Variants in DRC11 observed in about 807,000 individuals in gnomAD.
DRC11 encodes IQ and AAA domain-containing protein 1.
the DRC11 span, chr2:236,419,406 C>T: frequency 1.5e-6 from 2 of 1,356,684 alleles, no homozygotes; most frequent in East Asian, 2.7e-5. The surrounding 1 kb of genome is among the most constrained non-coding windows in gnomAD (Gnocchi z 4.8). Flanking sequence ...GCAGGCCGAC[C>T]CCTTCTGGGG....
chr2:236,392,654 T>C, the DRC11 span, among the ~76,000 whole-genome samples: 473 of 152,332 alleles, frequency 3.1e-3, 3 homozygotes, highest in African/African-American at 0.01. The surrounding 1 kb of genome is among the most constrained non-coding windows in gnomAD (Gnocchi z 5.1). Flanking sequence ...ATTATAATCA[T>C]GTAAAAACAA....
At chr2:236,371,736 A>T in the DRC11 span, among the ~76,000 whole-genome samples, 1 of 152,146 alleles carries the variant, frequency 6.6e-6, no homozygotes, top group Admixed American at 6.5e-5. The surrounding 1 kb of genome is among the most constrained non-coding windows in gnomAD (Gnocchi z 5.1). Context: ...TCAGGGGGAA[A>T]ACTGCTGAGT....
chr2:236,324,988 T>G, the DRC11 span, among the ~76,000 whole-genome samples: 2 of 152,234 alleles, frequency 1.3e-5, no homozygotes, highest in South Asian at 4.1e-4. This position sits in a 1 kb window ranked among gnomAD's most constrained non-coding sequence, Gnocchi z 5.7. Context: ...CCTGTATTTC[T>G]GCATGATTTG....
the DRC11 span, among the ~76,000 whole-genome samples, chr2:236,366,710 A>G: frequency 6.6e-6 from 1 of 150,800 alleles, no homozygotes; most frequent in Middle Eastern, 3.4e-3. Flanking sequence ...CACCAACCTC[A>G]TTAGGGAGGC....
chr2:236,352,163 T>C, the DRC11 span, among the ~76,000 whole-genome samples: 1 of 151,936 alleles, frequency 6.6e-6, no homozygotes, highest in Non-Finnish European at 1.5e-5. The surrounding 1 kb of genome is among the most constrained non-coding windows in gnomAD (Gnocchi z 7.0). Flanking sequence ...TCTGGAGCGA[T>C]AGCTAGCCTC....
the DRC11 span, among the ~76,000 whole-genome samples, chr2:236,335,514 G>A: frequency 5.3e-5 from 8 of 152,170 alleles, no homozygotes; most frequent in South Asian, 1.2e-3. The surrounding 1 kb of genome is among the most constrained non-coding windows in gnomAD (Gnocchi z 5.6). Flanking sequence ...CTCCCATCAC[G>A]ATGCTGTGAG....
chr2:236,356,965 TA>T, the DRC11 span, among the ~76,000 whole-genome samples: 33 of 110,896 alleles, frequency 3.0e-4, 2 homozygotes, highest in East Asian at 2.4e-3. Flanking sequence ...CATAAATATA[TA>T]TATTATATAT....
At chr2:236,344,771 G>C in the DRC11 span, 1 of 665,070 alleles carries the variant, frequency 1.5e-6, no homozygotes, top group Non-Finnish European at 2.6e-6. Context: ...TCCCTCTGGG[G>C]TGTGCAGAGC....
chr2:236,381,442 G>C, the DRC11 span, among the ~76,000 whole-genome samples: 2 of 151,572 alleles, frequency 1.3e-5, no homozygotes, highest in African/African-American at 2.4e-5. The surrounding 1 kb of genome is among the most constrained non-coding windows in gnomAD (Gnocchi z 5.8). Context: ...TGTTATAGCA[G>C]TCCAAACAGA....
chr2:236,342,416 C>T, the DRC11 span, among the ~76,000 whole-genome samples: 1 of 152,162 alleles, frequency 6.6e-6, no homozygotes, highest in Non-Finnish European at 1.5e-5. The surrounding 1 kb of genome is among the most constrained non-coding windows in gnomAD (Gnocchi z 5.8). Context: ...TTTTGGTCAC[C>T]TTCAGAATGT....
At chr2:236,444,694 A>G in the DRC11 span, among the ~76,000 whole-genome samples, 1 of 152,180 alleles carries the variant, frequency 6.6e-6, no homozygotes, top group African/African-American at 2.4e-5. Flanking sequence ...TCTGGGGCCA[A>G]ACAGAACCTG....
the DRC11 span, chr2:236,488,227 C>T: frequency 2.1e-6 from 3 of 1,435,728 alleles, no homozygotes; most frequent in South Asian, 2.8e-5. Context: ...AATGTTTGAA[C>T]ATGTTAACCA....
the DRC11 span, chr2:236,497,379 T>C: frequency 3.7e-5 from 60 of 1,613,836 alleles, no homozygotes; most frequent in East Asian, 5.3e-4. This position sits in a 1 kb window ranked among gnomAD's most constrained non-coding sequence, Gnocchi z 5.1. Flanking sequence ...TGGCTAATGT[T>C]TGAAAGATGA....
the DRC11 span, among the ~76,000 whole-genome samples, chr2:236,459,571 G>A: frequency 0.074 from 8,807 of 118,614 alleles, 726 homozygotes; most frequent in Non-Finnish European, 0.1. Flanking sequence ...GTATATATGT[G>A]TATACATACG....
the DRC11 span, among the ~76,000 whole-genome samples, chr2:236,354,107 A>G: frequency 6.6e-6 from 1 of 151,966 alleles, no homozygotes; most frequent in African/African-American, 2.4e-5. Flanking sequence ...AAAGCAAAGA[A>G]CTAGAGAGGA....
At chr2:236,507,313 C>T in the DRC11 span, 14 of 1,612,798 alleles carry the variant, frequency 8.7e-6, no homozygotes, top group Admixed American at 2.0e-4. Context: ...GAAGCTCTTC[C>T]GTTGCTCTCT....
At chr2:236,449,344 C>T in the DRC11 span, among the ~76,000 whole-genome samples, 1 of 152,326 alleles carries the variant, frequency 6.6e-6, no homozygotes, top group East Asian at 1.9e-4. The surrounding 1 kb of genome is among the most constrained non-coding windows in gnomAD (Gnocchi z 5.1). Context: ...CTGCCCAAGG[C>T]ACCATTCTGT....
At chr2:236,315,619 A>T in the DRC11 span, among the ~76,000 whole-genome samples, 21 of 152,324 alleles carry the variant, frequency 1.4e-4, no homozygotes, top group Admixed American at 1.4e-3. The surrounding 1 kb of genome is among the most constrained non-coding windows in gnomAD (Gnocchi z 5.1). Context: ...CCCATCAATA[A>T]TAGATTGGAT....
At chr2:236,362,782 T>C in the DRC11 span, among the ~76,000 whole-genome samples, 7 of 152,206 alleles carry the variant, frequency 4.6e-5, no homozygotes, top group Non-Finnish European at 1.0e-4. This position sits in a 1 kb window ranked among gnomAD's most constrained non-coding sequence, Gnocchi z 5.7. Flanking sequence ...TTACACATTG[T>C]ATACTCTACA....
Sources: allele counts gnomAD v4.1 joint callset (sites outside exome capture counted in the v4.1 genomes callset), GRCh38; gene constraint gnomAD v4.1.1; non-coding constraint Gnocchi (gnomAD v3.1); transcripts MANE v1.5; gene names NCBI Gene and HGNC (gene_info 2026-07-23, HGNC 2026-07-21).